ROBO2: variants seen among roughly 807,000 people sequenced by gnomAD.
ROBO2 encodes the protein roundabout guidance receptor 2.
ROBO2 carries 53 observed loss-of-function variants against 160.8 expected under a neutral mutation model. The ratio of observed to expected loss-of-function variants is 0.33; its 90% CI spans 0.26 to 0.41. The LOEUF (loss-of-function observed/expected upper bound fraction) is 0.41, where lower values mean the gene tolerates loss of function less well. Ranked by LOEUF, ROBO2 falls within the 10% of genes least tolerant of loss-of-function variation. The pLI, the probability that ROBO2 is intolerant of heterozygous loss-of-function variation, is 1.00. For missense variants in ROBO2, 1,577 were observed against 1,722.4 expected, an observed-to-expected ratio of 0.92 and a Z score of 1.49; for synonymous variants, 664 against 611.7, an observed-to-expected ratio of 1.09 and a Z score of -1.26.
chr3:76,582,960 CAAG>C (rs1015440486), intron 2 of ROBO2, among the ~76,000 whole-genome samples: 11 of 148,286 alleles, frequency 7.4e-5, no homozygotes, highest in African/African-American at 2.5e-4. Context: ...CCTAAAATGT[CAAG>C]AAGAGTCACA....
At chr3:77,082,464 T>C (rs2068767052) in intron 1 of ROBO2, among the ~76,000 whole-genome samples, 1 of 152,154 alleles carries the variant, frequency 6.6e-6, no homozygotes, top group South Asian at 2.1e-4. Context: ...TCATATCTTT[T>C]TTAGCCCCTG....
At chr3:77,574,373 A>C in intron 13 of ROBO2, 126 bp from the exon 15 acceptor site, 1 of 769,760 alleles carries the variant, frequency 1.3e-6, no homozygotes, top group Non-Finnish European at 2.3e-6. Context: ...ATTAGCTAGA[A>C]AGTCATGACA....
At chr3:77,367,286 G>T (rs372427317) in intron 2 of ROBO2, among the ~76,000 whole-genome samples, 118 of 152,246 alleles carry the variant, frequency 7.8e-4, no homozygotes, top group Non-Finnish European at 1.3e-3. Context: ...GTGAAAAGGT[G>T]ATAGTCCTAA....
chr3:76,432,811 G>T (rs1468330858), intron 2 of ROBO2, among the ~76,000 whole-genome samples: 1 of 151,928 alleles, frequency 6.6e-6, no homozygotes, highest in African/African-American at 2.4e-5. Flanking sequence ...GGCATTGGGG[G>T]CTATCTTTGA....
At chr3:77,367,894 T>C (rs2071155414) in intron 2 of ROBO2, among the ~76,000 whole-genome samples, 1 of 152,106 alleles carries the variant, frequency 6.6e-6, no homozygotes, top group Non-Finnish European at 1.5e-5. Flanking sequence ...CATTCTTTAA[T>C]GGAAAGGGAA....
intron 2 of ROBO2, among the ~76,000 whole-genome samples, chr3:77,277,164 C>CTTTT (rs750189653): frequency 1.2e-5 from 1 of 84,968 alleles, no homozygotes; most frequent in East Asian, 2.8e-4. Flanking sequence ...TTCCTTCTTT[C>CTTTT]TTTCTTTCTT....
intron 5 of ROBO2, among the ~76,000 whole-genome samples, chr3:77,509,081 C>T (rs566334774): frequency 2.8e-4 from 43 of 152,142 alleles, no homozygotes; most frequent in Non-Finnish European, 5.4e-4. Context: ...TACATATTAT[C>T]TTCAACAAAG....
At chr3:77,021,903 T>C (rs562215446) in intron 2 of ROBO2, among the ~76,000 whole-genome samples, 2 of 152,290 alleles carry the variant, frequency 1.3e-5, no homozygotes, top group Middle Eastern at 3.4e-3. Flanking sequence ...CCCTTGATCT[T>C]GGACTTCCCA....
chr3:76,110,446 T>C (rs570928189), intron 2 of ROBO2, among the ~76,000 whole-genome samples: 2 of 152,238 alleles, frequency 1.3e-5, no homozygotes, highest in South Asian at 4.1e-4. Context: ...GGCCTAATTA[T>C]TGTTTAGCAC....
Position 76,046,590 on chromosome 3 carries a change from G to T in ROBO2, c.109+108988G>T, listed in dbSNP as rs1471071956. Among the ~76,000 whole-genome samples, 5 of 151,944 alleles carry T rather than the reference G, an allele frequency of 3.3e-5. 1 individual carries two copies. The highest frequency in any genetic ancestry group is 3.3e-4 in the Admixed American group (5 of 15,258). Reference sequence around the variant, plus strand: ...GTGAACCCGGGAGGCGGAGCTTGCAGTGAGCCGAGATCGCGCCACTGCACT... The same window carrying T: ...GTGAACCCGGGAGGCGGAGCTTGCATTGAGCCGAGATCGCGCCACTGCACT... On this transcript the variant is annotated intron_variant, in intron 2 of 26. Coordinates refer to the ROBO2 transcript ENST00000487694.
intron 2 of ROBO2, among the ~76,000 whole-genome samples, chr3:76,198,236 G>A (rs537928874): frequency 4.0e-5 from 6 of 148,670 alleles, no homozygotes; most frequent in African/African-American, 1.2e-4. Flanking sequence ...AGGGAGATCC[G>A]ACATACCTCA....
At chr3:76,759,157 A>G (rs1273847598) in intron 2 of ROBO2, among the ~76,000 whole-genome samples, 1 of 151,822 alleles carries the variant, frequency 6.6e-6, no homozygotes, top group African/African-American at 2.4e-5. Context: ...CTTGCAAATA[A>G]GGAAAGTGAG....
chr3:76,189,513 A>G (rs774640247), intron 2 of ROBO2, among the ~76,000 whole-genome samples: 4 of 151,998 alleles, frequency 2.6e-5, no homozygotes, highest in Non-Finnish European at 4.4e-5. Flanking sequence ...TATGTTCCCT[A>G]TTAGATTTTA....
chr3:77,007,674 C>A (rs1200550327), intron 2 of ROBO2, among the ~76,000 whole-genome samples: 1 of 151,964 alleles, frequency 6.6e-6, no homozygotes, highest in Non-Finnish European at 1.5e-5. Flanking sequence ...GACAGTTTAT[C>A]CATTTCTGCA....
chr3:77,555,161 G>T (rs1014468593), intron 8 of ROBO2, among the ~76,000 whole-genome samples: 3 of 151,872 alleles, frequency 2.0e-5, no homozygotes, highest in African/African-American at 4.8e-5. Context: ...TATTTTTAAG[G>T]TATGAACTTT....
At chr3:77,213,757 C>T (rs2084518265) in intron 2 of ROBO2, among the ~76,000 whole-genome samples, 1 of 151,744 alleles carries the variant, frequency 6.6e-6, no homozygotes, top group South Asian at 2.1e-4. Flanking sequence ...TGAATGTGTC[C>T]CAGAGATTCT....
chr3:76,485,259 C>G (rs1431933187), intron 2 of ROBO2, among the ~76,000 whole-genome samples: 1 of 151,848 alleles, frequency 6.6e-6, no homozygotes, highest in African/African-American at 2.4e-5. Context: ...TGATGGGAGA[C>G]AGTGACAGAT....
At chr3:76,281,255 G>A (rs1429982391) in intron 2 of ROBO2, among the ~76,000 whole-genome samples, 1 of 151,568 alleles carries the variant, frequency 6.6e-6, no homozygotes, top group Non-Finnish European at 1.5e-5. Flanking sequence ...TATTTTCAAT[G>A]GTTCTTAACG....
chr3:76,789,667 T>C (rs2063222576), intron 2 of ROBO2, among the ~76,000 whole-genome samples: 1 of 151,722 alleles, frequency 6.6e-6, no homozygotes. Flanking sequence ...GTGAGAGCCT[T>C]ACTCAAATCA....
Sources: allele counts gnomAD v4.1 joint callset (sites outside exome capture counted in the v4.1 genomes callset), GRCh38; gene constraint gnomAD v4.1.1; transcripts MANE v1.5; gene names NCBI Gene and HGNC (gene_info 2026-07-23, HGNC 2026-07-21).